The following SMG6 variants were observed in gnomAD, a reference collection of about 807,000 sequenced individuals.
SMG6 encodes telomerase-binding protein EST1A.
A neutral mutation model predicts 142.2 loss-of-function variants in SMG6; 66 were observed. The observed-to-expected ratio is 0.46, with a 90% confidence interval of 0.38 to 0.57. The LOEUF (loss-of-function observed/expected upper bound fraction) is 0.57. SMG6 is among the 20% of genes least tolerant of loss of function. SMG6 has a pLI of 0.00. For missense variants in SMG6, 1,793 were observed against 1,832.0 expected (o/e 0.98, Z 0.39); for synonymous variants, 779 against 702.4 (o/e 1.11, Z -1.72).
chr17:2,174,282 G>T (rs1374120881), intron 12 of SMG6, among the ~76,000 whole-genome samples: 1 of 152,186 alleles, frequency 6.6e-6, no homozygotes, highest in South Asian at 2.1e-4. Context: ...TGGAGTTACT[G>T]CCTATGAGTC....
In SMG6 at chr17:2,085,794, T is replaced by C; in HGVS notation, c.3465A>G (p.Ser1155=). ...LLAFKGGKYV[S]VAPVPDTMGK... ...CCATGGTGTCTGGGACGGGTGCCACTGACACATACTTTCCACCCTTGAATG... is the reference window on the plus strand; with the variant it reads ...CCATGGTGTCTGGGACGGGTGCCACCGACACATACTTTCCACCCTTGAATG... Residue 1155 remains serine (S), a synonymous_variant, in exon 14 of 19, where the codon TCA becomes TCG. Transcript: ENST00000263073. The surrounding 1 kb of genome is among the most constrained non-coding windows in gnomAD (Gnocchi z 4.1). The C allele has an allele frequency of 6.2e-7, 1 of 1,614,116 alleles. No homozygotes were observed. The highest frequency in any genetic ancestry group is 2.2e-5 in the East Asian group (1 of 44,888).
chr17:2,166,937 C>A (rs554360949), intron 13 of SMG6, among the ~76,000 whole-genome samples: 2 of 152,022 alleles, frequency 1.3e-5, no homozygotes, highest in Admixed American at 1.3e-4. Flanking sequence ...ACCAGCCTGG[C>A]CAATATGGCA....
In SMG6 at chr17:2,173,866, T is replaced by G. The variant is rs560102247; in HGVS notation, c.3156-1007A>C. 1.3e-3 allele frequency among the ~76,000 whole-genome samples: 187 copies of G among 147,530 alleles called. 4 individuals carry two copies. Among genetic ancestry groups the G allele is most frequent in the African/African-American group, 4.2e-3 (166 of 39,236 alleles). ...AAAGCTTTTTTTTTTTTTTTTTTTT[T>G]TTTTTGGCCTGCCCAGGGATACTAC... On this transcript the variant is annotated intron_variant, in intron 12 of 18. Transcript: ENST00000263073.
chr17:2,173,127 T>A (rs1337158315), intron 12 of SMG6: 2 of 463,352 alleles, frequency 4.3e-6, no homozygotes, highest in African/African-American at 3.9e-5. Context: ...GGAGACTCAG[T>A]TGCCTAATGC....
chr17:2,085,830 CTCT>C lies in SMG6; in HGVS notation c.3426_3428del (p.Glu1143del), dbSNP rs1254029524. On this transcript the variant is annotated inframe_deletion, in exon 14 of 19. Coordinates refer to ENST00000263073, the MANE Select transcript of SMG6 (RefSeq NM_017575.5). The surrounding 1 kb of genome is among the most constrained non-coding windows in gnomAD (Gnocchi z 4.1). ...TTCCACCCTTGAATGCCAGCAGAGG[CTCT>C]TCTTGTCCACAAAGGGCTTCCAGAA... 2 of 1,614,204 alleles carry C rather than the reference CTCT, an allele frequency of 1.2e-6. No individual in the cohort carries two copies. The highest frequency in any genetic ancestry group is 3.3e-5 in the Admixed American group (2 of 60,014).
intron 13 of SMG6, among the ~76,000 whole-genome samples, chr17:2,164,093 C>T (rs1224185342): frequency 2.7e-5 from 4 of 148,958 alleles, no homozygotes; most frequent in African/African-American, 9.9e-5. Context: ...CAGGGTGAAA[C>T]CCTATTGTAC....
intron 8 of SMG6, among the ~76,000 whole-genome samples, chr17:2,269,476 C>A (rs1388879425): frequency 1.3e-5 from 2 of 151,776 alleles, no homozygotes; most frequent in African/African-American, 4.8e-5. Context: ...AAAAAAATAG[C>A]CCTCAAGCAA....
At chr17:2,065,215 AGGAGG>A in intron 17 of SMG6, 61 bp from the exon 18 acceptor site, 4 of 1,412,758 alleles carry the variant, frequency 2.8e-6, no homozygotes, top group Non-Finnish European at 3.0e-6. Context: ...GTGGAGGAGG[AGGAGG>A]GATCCTCTGC....
At chr17:2,167,858 T>C (rs1469040765) in intron 13 of SMG6, among the ~76,000 whole-genome samples, 1 of 152,262 alleles carries the variant, frequency 6.6e-6, no homozygotes, top group Non-Finnish European at 1.5e-5. Flanking sequence ...GAAATGTTTA[T>C]ATTTTTCAAA....
intron 17 of SMG6, 65 bp from the exon 18 acceptor site, chr17:2,065,219 G>T: frequency 7.7e-7 from 1 of 1,296,264 alleles, no homozygotes; most frequent in South Asian, 1.2e-5. Flanking sequence ...AGGAGGAGGA[G>T]GGATCCTCTG....
At chr17:2,301,951 C>CTA (rs913130601) in intron 1 of SMG6, among the ~76,000 whole-genome samples, 7 of 152,058 alleles carry the variant, frequency 4.6e-5, no homozygotes, top group African/African-American at 1.7e-4. Context: ...AAATGGAATG[C>CTA]TATATAAAAT....
chr17:2,302,971 T>A (rs115809984), intron 1 of SMG6: 1 of 985,332 alleles, frequency 1.0e-6, no homozygotes, highest in African/African-American at 1.7e-5. Context: ...CACAACTCTA[T>A]TGCCTAACGC....
At chr17:2,112,520 ATAAAAAATAAAT>A (rs2069363263) in intron 13 of SMG6, among the ~76,000 whole-genome samples, 1 of 97,534 alleles carries the variant, frequency 1.0e-5, no homozygotes, top group East Asian at 2.8e-4. Context: ...AAAAAATAAA[ATAAAAAATAAAT>A]AAATAAATAA....
At chr17:2,069,063 C>G (rs2068027328) in intron 15 of SMG6, 132 bp from the exon 16 acceptor site, 1 of 853,100 alleles carries the variant, frequency 1.2e-6, no homozygotes, top group South Asian at 1.7e-5. Context: ...ATAACCAGTC[C>G]CCGTCGGGTC....
At chr17:2,159,060 CA>C (rs544222570) in intron 13 of SMG6, among the ~76,000 whole-genome samples, 3 of 152,062 alleles carry the variant, frequency 2.0e-5, no homozygotes, top group Non-Finnish European at 4.4e-5. Flanking sequence ...GAACATTTCC[CA>C]AATGAGGATA....
chr17:2,171,457 C>T (rs1204225659), intron 13 of SMG6, among the ~76,000 whole-genome samples: 1 of 151,672 alleles, frequency 6.6e-6, no homozygotes, highest in Non-Finnish European at 1.5e-5. Flanking sequence ...AGAAGGATTA[C>T]GGATAATTTT....
intron 10 of SMG6, among the ~76,000 whole-genome samples, chr17:2,220,034 G>A (rs72817602): frequency 0.21 from 31,759 of 151,846 alleles, 4,277 homozygotes; most frequent in Admixed American, 0.31. Flanking sequence ...CCATTCTCCC[G>A]TATAATTTTC....
chr17:2,301,733 T>G (rs1238282121), intron 1 of SMG6, among the ~76,000 whole-genome samples: 7 of 152,072 alleles, frequency 4.6e-5, no homozygotes, highest in Admixed American at 4.6e-4. Context: ...TCCCAGCTAC[T>G]CGGGAAGCTG....
intron 13 of SMG6, among the ~76,000 whole-genome samples, chr17:2,145,317 G>A (rs6503293): frequency 0.35 from 51,969 of 149,514 alleles, 9,785 homozygotes; most frequent in African/African-American, 0.49. Context: ...TAAAGACAGG[G>A]TTTCCCCCAG....
Sources: gnomAD v4.1 joint callset for allele counts (sites outside exome capture counted in the v4.1 genomes callset) on GRCh38, gnomAD v4.1.1 for gene constraint, Gnocchi (gnomAD v3.1) non-coding constraint, MANE v1.5 for transcripts, NCBI Gene and HGNC (gene_info 2026-07-23, HGNC 2026-07-21) for gene names.